Variants in RYR1 observed in about 807,000 individuals in gnomAD.
RYR1 encodes ryanodine receptor 1.
In RYR1, 342 loss-of-function variants were observed where a neutral mutation model predicts 583.5. The observed-to-expected ratio is 0.59, with a 90% CI of 0.54 to 0.64. RYR1 has a LOEUF of 0.64. Among genes scored for constraint, RYR1 ranks in the 30% least tolerant of loss-of-function variants. RYR1 has a pLI of 0.00. For missense variants in RYR1, 6,032 were observed against 6,917.2 expected, an observed-to-expected ratio of 0.87 and a Z score of 4.54; for synonymous variants, 2,791 against 2,822.5, an observed-to-expected ratio of 0.99 and a Z score of 0.35.
At chr19:38,460,720 G>C in intron 20 of RYR1, 129 bp downstream of exon 20, 1 of 888,528 alleles carries the variant, frequency 1.1e-6, no homozygotes, top group South Asian at 1.4e-5. Context: ...GCTCACGCCT[G>C]TAAGCCCAGC....
At chr19:38,531,923 C>T (rs930846390) in intron 76 of RYR1, among the ~76,000 whole-genome samples, 3 of 152,106 alleles carry the variant, frequency 2.0e-5, no homozygotes, top group African/African-American at 4.8e-5. Flanking sequence ...AATAAACAAA[C>T]AAAACAACTC....
At position 38,565,196 on chromosome 19, in the gene RYR1, A is replaced by ACGG. The variant is rs1228854800; in HGVS notation, c.12872_12874dup (p.Ala4291dup). On this transcript the variant is annotated inframe_insertion, in exon 91 of 106. Coordinates refer to ENST00000359596, the MANE Select transcript of RYR1 (RefSeq NM_000540.3). The surrounding 1 kb of genome is among the most constrained non-coding windows in gnomAD (Gnocchi z 4.7). ...GGCGGGGCTCGAGGGCACGGCGGCC[A>ACGG]CGGCGGCGGCGGGGGCGACGGCGCG... 4.8e-6 allele frequency: 5 copies of ACGG among 1,036,226 alleles called. No homozygotes were observed. The highest frequency in any genetic ancestry group is 5.8e-6 in the Non-Finnish European group (5 of 865,042). The allele number at this position is 1,036,226 out of a possible 1,614,324, so 64.2% of individuals were successfully genotyped here.
chr19:38,464,854 A>G, intron 23 of RYR1, 132 bp downstream of exon 23: 1 of 753,472 alleles, frequency 1.3e-6, no homozygotes, highest in Non-Finnish European at 2.3e-6. Context: ...GTTAGGGTGA[A>G]GGTCATAGGG....
intron 76 of RYR1, 62 bp downstream of exon 76, chr19:38,529,119 G>C: frequency 1.3e-6 from 2 of 1,552,082 alleles, no homozygotes; most frequent in Admixed American, 3.4e-5. Flanking sequence ...CCCCAGCCCA[G>C]CAGCTTCCCT....
Position 38,444,131 on chromosome 19 carries a change from T to C in RYR1, c.425-18T>C. ...AGCCATCATCTGACAGCCACCCCCA[T>C]TCCATCCCCACCCATAGGAGAGGCT... is the stretch of plus-strand genomic sequence containing the variant. On this transcript the variant is annotated intron_variant, in intron 5 of 105. Coordinates refer to ENST00000359596, the MANE Select transcript of RYR1 (RefSeq NM_000540.3). The surrounding 1 kb of genome is among the most constrained non-coding windows in gnomAD (Gnocchi z 5.1). 1 of 1,604,672 alleles carries C rather than the reference T, an allele frequency of 6.2e-7. No homozygotes were observed. The highest frequency in any genetic ancestry group is 1.3e-5 in the African/African-American group (1 of 74,766).
Position 38,570,612 on chromosome 19 carries a change from C to T in RYR1, c.13665C>T (p.Tyr4555=). 6.2e-7 allele frequency: 1 copy of T among 1,613,560 alleles called. No individual in the cohort carries two copies. Among genetic ancestry groups the T allele is most frequent in the Non-Finnish European group, 8.5e-7 (1 of 1,179,496 alleles). The change falls in exon 94 of 106, where the codon TAC becomes TAT. Residue 4555 remains tyrosine (Y), a synonymous_variant. Coordinates refer to ENST00000359596, the MANE Select transcript of RYR1 (RefSeq NM_000540.3). ...LEVQRVKFLN[Y]LSRNFYTLRF... ...CTTTTTCTCTTCTCTCTCAGAACTA[C>T]CTGTCCCGGAACTTTTACACCCTGC...
At chr19:38,442,285 C>A in intron 2 of RYR1, 64 bp from the exon 3 acceptor site, 2 of 1,096,066 alleles carry the variant, frequency 1.8e-6, no homozygotes, top group Non-Finnish European at 2.8e-6. Context: ...GGGAGTGTGG[C>A]AGGGAATGTT....
At position 38,561,199 on chromosome 19, in the gene RYR1, C is replaced by A; in HGVS notation, c.12369C>A (p.Asn4123Lys). 1 of 1,614,222 alleles carries A rather than the reference C, an allele frequency of 6.2e-7. No homozygotes were observed. Among genetic ancestry groups the A allele is most frequent in the South Asian group, 1.1e-5 (1 of 91,092 alleles). Reference protein sequence around the residue: ...CSEADENEMINCEEFANRFQE... With the variant: ...CSEADENEMIKCEEFANRFQE... ...AAGCGGATGAGAACGAAATGATCAA[C>A]TGCGAAGAGTTCGCCAACCGCTTCC... Residue 4123 changes from asparagine to lysine, a missense_variant, in exon 90 of 106, where the codon AAC (asparagine) becomes AAA (lysine). Physicochemically the swap from Asn to Lys is moderately conservative, Grantham distance 94 (BLOSUM62 0). Coordinates refer to ENST00000359596, the MANE Select transcript of RYR1 (RefSeq NM_000540.3). The surrounding 1 kb of genome is among the most constrained non-coding windows in gnomAD (Gnocchi z 4.8).
chr19:38,528,534 C>G, intron 74 of RYR1, 65 bp from the exon 75 acceptor site: 1 of 1,596,474 alleles, frequency 6.3e-7, no homozygotes, highest in South Asian at 1.1e-5. Context: ...GGGCTGCAGG[C>G]GCATGGGAGG....
intron 79 of RYR1, 31 bp downstream of exon 79, chr19:38,534,850 G>A (rs747583783): frequency 6.8e-5 from 107 of 1,581,192 alleles, no homozygotes; most frequent in Non-Finnish European, 8.3e-5. Flanking sequence ...GGACTCTTCC[G>A]AGTGCACTCA....
rs1972275333 is a variant in RYR1, at chr19:38,543,232, T to C, written c.11690-115T>C. ...TAAATAAATTGATGATGATATGCTTTCTGGCATACAATAGGAACTCAACAC... is the reference window on the plus strand; with the variant it reads ...TAAATAAATTGATGATGATATGCTTCCTGGCATACAATAGGAACTCAACAC... On this transcript the variant is annotated intron_variant, in intron 84 of 105. Transcript: ENST00000359596. The surrounding 1 kb of genome is among the most constrained non-coding windows in gnomAD (Gnocchi z 4.4). 1.2e-6 allele frequency: 1 copy of C among 867,456 alleles called. No homozygotes were observed. The highest frequency in any genetic ancestry group is 2.0e-6 in the Non-Finnish European group (1 of 503,922). The allele number at this position is 867,456 out of a possible 1,614,324, so 53.7% of individuals were successfully genotyped here.
In RYR1 at chr19:38,489,937, G is replaced by T. The variant is rs1031692500; in HGVS notation, c.5815-139G>T. On this transcript the variant is annotated intron_variant, in intron 35 of 105. Coordinates refer to ENST00000359596, the MANE Select transcript of RYR1 (RefSeq NM_000540.3). Reference sequence around the variant, plus strand: ...GAGCCACCATGCTTGAGGAAGGCAGGCTTAAGGTTCCAGGCGGGAAATGAT... The same window carrying T: ...GAGCCACCATGCTTGAGGAAGGCAGTCTTAAGGTTCCAGGCGGGAAATGAT... The T allele has an allele frequency of 3.4e-6, 3 of 880,214 alleles. No individual in the cohort carries two copies. The Admixed American group carries it at 5.9e-5, about 17-fold the overall frequency. The allele number at this position is 880,214 out of a possible 1,614,324, so 54.5% of individuals were successfully genotyped here.
chr19:38,573,548 C>T (rs765478725), intron 96 of RYR1, among the ~76,000 whole-genome samples: 18 of 151,846 alleles, frequency 1.2e-4, no homozygotes, highest in Admixed American at 1.3e-4. Context: ...GGCGTGGTGG[C>T]GGGCGCCTGT....
intron 101 of RYR1, among the ~76,000 whole-genome samples, chr19:38,584,034 T>G (rs185830771): frequency 1.3e-5 from 2 of 151,924 alleles, no homozygotes; most frequent in East Asian, 3.9e-4. Flanking sequence ...CTGGGAACAC[T>G]CTCCCACCAC....
intron 84 of RYR1, among the ~76,000 whole-genome samples, chr19:38,538,824 C>G (rs918249155): frequency 6.6e-6 from 1 of 152,186 alleles, no homozygotes; most frequent in Non-Finnish European, 1.5e-5. Context: ...TACACAACAT[C>G]AATGATGAGA....
At chr19:38,478,790 C>A (rs1968872698) in intron 31 of RYR1, among the ~76,000 whole-genome samples, 190 bp downstream of exon 31, 1 of 152,126 alleles carries the variant, frequency 6.6e-6, no homozygotes. Context: ...GGAGGAGATA[C>A]AGAATCTCAC....
intron 42 of RYR1, among the ~76,000 whole-genome samples, chr19:38,497,961 G>A (rs914311567): frequency 7.2e-5 from 11 of 151,838 alleles, no homozygotes; most frequent in Admixed American, 1.3e-4. Context: ...GGGACAGAGC[G>A]AGACCCCTTA....
rs758631330 is a variant in RYR1 at position 38,446,549 on chromosome 19, A to G, written c.709A>G (p.Ser237Gly). Residue 237 changes from serine to glycine, a missense_variant, in exon 8 of 106, where the codon AGT (serine) becomes GGT (glycine). By Grantham distance (56) the Ser-to-Gly change is moderately conservative (BLOSUM62 0). Coordinates refer to ENST00000359596, the MANE Select transcript of RYR1 (RefSeq NM_000540.3). ...DECLTISPAD[S>G]DDQRRLVYYE... ...GTGTCTGACCATTTCCCCTGCTGAC[A>G]GTGATGACCAGCGCAGGTCTGGGCT... 1.2e-6 allele frequency: 2 copies of G among 1,613,990 alleles called. No individual in the cohort carries two copies.
Position 38,460,521 on chromosome 19 carries a change from C to T in RYR1, c.2507C>T (p.Pro836Leu), listed in dbSNP as rs1967676400. ...TATCGACGGGAGGGGCCCCGGGGGCCTCACCTGGTGGGCCCCAGTCGCTGC... is the reference window on the plus strand; with the variant it reads ...TATCGACGGGAGGGGCCCCGGGGGCTTCACCTGGTGGGCCCCAGTCGCTGC... Reference protein sequence around the residue: ...KEYRREGPRGPHLVGPSRCLS... With the variant: ...KEYRREGPRGLHLVGPSRCLS... The change falls in exon 20 of 106, where the codon CCT becomes CTT. Residue 836 changes from proline to leucine, a missense_variant. Pro to Leu is a moderately conservative substitution (Grantham distance 98). This residue lies in a region of RYR1 where 2,627 missense variants were observed against 2,961.3 expected (regional missense o/e 0.89). Transcript: ENST00000359596. 1 of 1,614,038 alleles carries T rather than the reference C, an allele frequency of 6.2e-7. No individual in the cohort carries two copies. The highest frequency in any genetic ancestry group is 1.3e-5 in the African/African-American group (1 of 74,952).
Sources: gnomAD v4.1 joint callset for allele counts (sites outside exome capture counted in the v4.1 genomes callset) on GRCh38, gnomAD v4.1.1 for gene constraint, gnomAD v4.1.1 regional missense constraint, Gnocchi (gnomAD v3.1) non-coding constraint, MANE v1.5 for transcripts, NCBI Gene and HGNC (gene_info 2026-07-23, HGNC 2026-07-21) for gene names.